HARBI1: variants seen among roughly 807,000 people sequenced by gnomAD.
HARBI1 encodes harbinger transposase derived 1, also known as putative nuclease HARBI1.
In HARBI1, 15 loss-of-function variants were observed where a neutral mutation model predicts 25.3. That is an observed-to-expected ratio of 0.59 (90% CI 0.40 to 0.91). The LOEUF (loss-of-function observed/expected upper bound fraction) is 0.91, where lower values mean the gene tolerates loss of function less well. Among genes scored for constraint, HARBI1 ranks in the 40% least tolerant of loss-of-function variants. The pLI, the probability that HARBI1 is intolerant of heterozygous loss-of-function variation, is 0.00. For synonymous variants in HARBI1, 168 were observed against 160.5 expected (o/e 1.05, Z -0.35); for missense variants, 396 against 445.8 (o/e 0.89, Z 1.01).
chr11:46,611,866 A>C (rs1357972639), intron 2 of HARBI1, among the ~76,000 whole-genome samples: 3 of 152,206 alleles, frequency 2.0e-5, no homozygotes. Context: ...TATGAAAATA[A>C]AATTTGAAAG....
In HARBI1 at chr11:46,616,172, C is replaced by T. The variant is rs2045441456; in HGVS notation, c.66G>A (p.Leu22=). The T allele has an allele frequency of 6.2e-7, 1 of 1,613,678 alleles. No individual in the cohort carries two copies. Among genetic ancestry groups the T allele is most frequent in the African/African-American group, 1.3e-5 (1 of 74,914 alleles). The change falls in exon 2 of 3, where the codon TTG becomes TTA. Residue 22 remains leucine, a synonymous_variant. Transcript: ENST00000326737. The stretch of plus-strand genomic sequence containing the variant: ...TCACATCATCCAGCTTAAAACGGTC[C>T]AATGTCCGGTGACCACGGCCATATA... The part of the protein sequence containing the change: ...LLLYGRGHRT[L]DRFKLDDVTD...
intron 2 of HARBI1, among the ~76,000 whole-genome samples, chr11:46,608,813 C>G (rs1320383055): frequency 6.6e-6 from 1 of 151,564 alleles, no homozygotes; most frequent in African/African-American, 2.4e-5. Context: ...CAGGGTTTCA[C>G]CATGTTGGCC....
In HARBI1 at chr11:46,603,765, C is replaced by T. The variant is rs753491100; in HGVS notation, c.815G>A (p.Arg272His). The change falls in exon 3 of 3, where the codon CGC (arginine) becomes CAC (histidine). Residue 272 changes from arginine (R) to histidine (H), a missense_variant. Physicochemically the swap from Arg to His is conservative, Grantham distance 29. Transcript: ENST00000326737. ...KTFRTLCSRFRCLDGSKGALQ... is the reference protein window; with the variant it reads ...KTFRTLCSRFHCLDGSKGALQ... ...TGCCCCCTTGGATCCATCCAGGCAG[C>T]GGAATCGGGAGCAGAGGGTTCGGAA... 1.3e-5 allele frequency: 21 copies of T among 1,614,004 alleles called. No homozygotes were observed. The highest frequency in any genetic ancestry group is 1.0e-4 in the Admixed American group (6 of 59,984).
In HARBI1 at chr11:46,616,981, G is replaced by C. The variant is rs147847095; in HGVS notation, c.-145+143C>G. ...GAGGGCCAGGAAGTACGGAAGACCA[G>C]ACACATTGGAAGTCGGGAGCGAAAA... On this transcript the variant is annotated intron_variant, in intron 1 of 2. Transcript: ENST00000326737. The C allele has an allele frequency of 1.4e-4, 140 of 985,158 alleles. No homozygotes were observed. In the African/African-American group the frequency reaches 2.3e-3, roughly 16 times the overall value. 61.0% of individuals were successfully genotyped at this position (985,158 alleles called of 1,614,324 possible).
chr11:46,615,210 C>G (rs1346543827), intron 2 of HARBI1, among the ~76,000 whole-genome samples: 1 of 150,918 alleles, frequency 6.6e-6, no homozygotes, highest in Non-Finnish European at 1.5e-5. Context: ...CACGTGCGGT[C>G]CCTTTTCTTT....
rs2045600036 is a variant in HARBI1 at position 46,617,129 on chromosome 11, C to G, written c.-150G>C. 4 of 437,346 alleles carry G rather than the reference C, an allele frequency of 9.1e-6. No homozygotes were observed. The highest frequency in any genetic ancestry group is 1.2e-5 in the Non-Finnish European group (4 of 329,268). The allele number at this position is 437,346 out of a possible 1,614,324, so 27.1% of individuals were successfully genotyped here. ...AGCCCAGGCCCGTCACCCACCTCTCCGCGGCTGCCAGGTTACCAGCCACAC... is the reference window on the plus strand; with the variant it reads ...AGCCCAGGCCCGTCACCCACCTCTCGGCGGCTGCCAGGTTACCAGCCACAC... On this transcript the variant is annotated 5_prime_UTR_variant, in exon 1 of 3. Coordinates refer to ENST00000326737, the MANE Select transcript of HARBI1 (RefSeq NM_173811.4).
upstream of HARBI1, chr11:46,617,887 G>T: frequency 2.5e-6 from 1 of 399,118 alleles, no homozygotes; most frequent in Non-Finnish European, 4.4e-6. Context: ...CCGCAGCTTC[G>T]CAGGTACTAA....
chr11:46,616,016 A>G lies in HARBI1; in HGVS notation c.222T>C (p.Leu74=). ...SRAISPETQV[L]AALGFYTSGS... is the part of the protein sequence containing the mutation. ...CTGAGGTATAAAAACCCAATGCTGC[A>G]AGGACCTGTGTCTCTGGGCTAATAG... is the stretch of plus-strand genomic sequence containing the variant. The change falls in exon 2 of 3, where the codon CTT becomes CTC. Residue 74 remains leucine (L), a synonymous_variant. Transcript: ENST00000326737. The G allele has an allele frequency of 6.2e-7, 1 of 1,614,238 alleles. No individual in the cohort carries two copies. Among genetic ancestry groups the G allele is most frequent in the Non-Finnish European group, 8.5e-7 (1 of 1,180,038 alleles).
At position 46,603,792 on chromosome 11, in the gene HARBI1, GTCT is replaced by G. The variant is rs2044839177; in HGVS notation, c.785_787del (p.Lys262del). 6.2e-7 allele frequency: 1 copy of G among 1,614,072 alleles called. No homozygotes were observed. Among genetic ancestry groups the G allele is most frequent in the Admixed American group, 1.7e-5 (1 of 60,000 alleles). On this transcript the variant is annotated inframe_deletion, in exon 3 of 3. Transcript: ENST00000326737. ...GAATCGGGAGCAGAGGGTTCGGAAA[GTCT>G]TCTCAATCACACTGTGAGTTGCAGA...
chr11:46,603,477 G>A lies in HARBI1; in HGVS notation c.*53C>T. On this transcript the variant is annotated 3_prime_UTR_variant, in exon 3 of 3. Transcript: ENST00000326737. ...ATGGAACTGTGTAAAAGGTGATGAG[G>A]AGGAAAGTCTGTCACAACTCCTGGG... is the stretch of plus-strand genomic sequence containing the variant. 2 of 1,484,624 alleles carry A rather than the reference G, an allele frequency of 1.3e-6. No individual in the cohort carries two copies. The highest frequency in any genetic ancestry group is 1.3e-5 in the South Asian group (1 of 76,382). The allele number at this position is 1,484,624 out of a possible 1,614,324, so 92.0% of individuals were successfully genotyped here.
intron 2 of HARBI1, among the ~76,000 whole-genome samples, chr11:46,608,462 T>C (rs75411937): frequency 0.037 from 5,687 of 152,156 alleles, 372 homozygotes; most frequent in African/African-American, 0.13. Context: ...TTCATATGAA[T>C]GATTTAGGGT....
Position 46,617,124 on chromosome 11 carries a change from C to CAGATCGGAAGAGCG in HARBI1, c.-146_-145insCGCTCTTCCGATCT. On this transcript the variant is annotated splice_region_variant and 5_prime_UTR_variant, in exon 1 of 3. Transcript: ENST00000326737. ...CAGTTAGCCCAGGCCCGTCACCCACCTCTCCGCGGCTGCCAGGTTACCAGC... is the reference window on the plus strand; with the variant it reads ...CAGTTAGCCCAGGCCCGTCACCCACCAGATCGGAAGAGCGTCTCCGCGGCTGCCAGGTTACCAGC... 1 of 451,850 alleles carries CAGATCGGAAGAGCG rather than the reference C, an allele frequency of 2.2e-6. No homozygotes were observed. The highest frequency in any genetic ancestry group is 2.9e-6 in the Non-Finnish European group (1 of 342,508). The allele number at this position is 451,850 out of a possible 1,614,324, so 28.0% of individuals were successfully genotyped here. A position where few individuals can be genotyped will look rare whatever the true frequency, so the allele number is the denominator to read the frequency against.
chr11:46,615,561 A>C lies in HARBI1; in HGVS notation c.670+7T>G, dbSNP rs1451257222. ...AACAAAATGAAAATTCACACTTGCA[A>C]ACTTACCCAGAAGCCAGCTATCTTT... is the stretch of plus-strand genomic sequence containing the variant. On this transcript the variant is annotated splice_region_variant and intron_variant, in intron 2 of 2. Transcript: ENST00000326737. 1 of 1,610,008 alleles carries C rather than the reference A, an allele frequency of 6.2e-7. No homozygotes were observed. The highest frequency in any genetic ancestry group is 1.1e-5 in the South Asian group (1 of 90,900).
rs111841155 is a variant in HARBI1 at position 46,610,346 on chromosome 11, A to AATAT, written c.670+5218_670+5221dup. On this transcript the variant is annotated intron_variant, in intron 2 of 2. Coordinates refer to ENST00000326737, the MANE Select transcript of HARBI1 (RefSeq NM_173811.4). ...AAAATACATGTGTGTGTATGTATAT[A>AATAT]ATATATATATATATATATAAAATAA... 4.0e-3 allele frequency among the ~76,000 whole-genome samples: 586 copies of AATAT among 144,784 alleles called. 4 individuals carry two copies. The highest frequency in any genetic ancestry group is 0.014 in the African/African-American group (558 of 39,600). The allele number at this position is 144,784 out of a possible 152,430, so 95.0% of individuals were successfully genotyped here.
At chr11:46,613,628 G>A (rs549469076) in intron 2 of HARBI1, among the ~76,000 whole-genome samples, 7 of 151,782 alleles carry the variant, frequency 4.6e-5, no homozygotes, top group Non-Finnish European at 7.4e-5. Context: ...GATTATAGGC[G>A]CGCACCACCA....
At position 46,603,695 on chromosome 11, in the gene HARBI1, A is replaced by G. The variant is rs778897133; in HGVS notation, c.885T>C (p.Cys295=). 1 of 1,614,168 alleles carries G rather than the reference A, an allele frequency of 6.2e-7. No homozygotes were observed. Among genetic ancestry groups the G allele is most frequent in the East Asian group, 2.2e-5 (1 of 44,880 alleles). The change falls in exon 3 of 3, where the codon TGT becomes TGC. Residue 295 remains cysteine (C), a synonymous_variant. Coordinates refer to ENST00000326737, the MANE Select transcript of HARBI1 (RefSeq NM_173811.4). ...PEKSSHIILA[C]CVLHNISLEH... is the part of the protein sequence containing the mutation. ...CCAGGGAGATGTTGTGGAGGACACAACAGGCCAAGATGATATGGCTGGATT... is the reference window on the plus strand; with the variant it reads ...CCAGGGAGATGTTGTGGAGGACACAGCAGGCCAAGATGATATGGCTGGATT...
intron 1 of HARBI1, 126 bp from the exon 2 acceptor site, chr11:46,616,507 C>T (rs1470802441): frequency 4.9e-6 from 6 of 1,225,804 alleles, no homozygotes; most frequent in Non-Finnish European, 6.1e-6. Context: ...ACTTACAACT[C>T]CGGATTTTTC....
intron 2 of HARBI1, among the ~76,000 whole-genome samples, chr11:46,611,283 A>G (rs2135395892): frequency 6.6e-6 from 1 of 152,314 alleles, no homozygotes; most frequent in Admixed American, 6.5e-5. Context: ...CTGGGATTAC[A>G]GGCGTGAGCC....
intron 2 of HARBI1, chr11:46,604,405 CAAATA>C (rs2044862110): frequency 1.1e-6 from 1 of 910,922 alleles, no homozygotes; most frequent in African/African-American, 1.8e-5. Context: ...AACTCCATCT[CAAATA>C]AAATAAAATT....
Sources: allele counts gnomAD v4.1 joint callset (sites outside exome capture counted in the v4.1 genomes callset), GRCh38; gene constraint gnomAD v4.1.1; transcripts MANE v1.5; gene names NCBI Gene and HGNC (gene_info 2026-07-23, HGNC 2026-07-21).